NYAP2: variants seen among roughly 807,000 people sequenced by gnomAD.
NYAP2 encodes the protein neuronal tyrosine-phosphorylated phosphoinositide-3-kinase adaptor 2, also known as neuronal tyrosine-phosphorylated phosphoinositide-3-kinase adapter 2.
Under a neutral mutation model 50.4 loss-of-function variants are expected in NYAP2, and 23 were observed. The ratio of observed to expected loss-of-function variants is 0.46; its 90% CI spans 0.33 to 0.65. The LOEUF (loss-of-function observed/expected upper bound fraction) is 0.65, where lower values mean the gene tolerates loss of function less well. Ranked by LOEUF, NYAP2 falls within the 30% of genes least tolerant of loss-of-function variation. The probability of loss-of-function intolerance (pLI) is 0.02; values close to 1 mark genes in which losing one functional copy is unlikely to be tolerated. For synonymous variants in NYAP2, 394 were observed against 365.2 expected (o/e 1.08, Z -0.90); for missense variants, 885 against 861.0 (o/e 1.03, Z -0.35).
chr2:225,655,844 G>T (rs1198832839), downstream of NYAP2, among the ~76,000 whole-genome samples: 2 of 142,650 alleles, frequency 1.4e-5, no homozygotes, highest in African/African-American at 2.6e-5. Context: ...GTTTGAATTT[G>T]TTTTTCTAGG....
chr2:225,667,054 C>T, the NYAP2 span, among the ~76,000 whole-genome samples: 1 of 152,116 alleles, frequency 6.6e-6, no homozygotes, highest in Non-Finnish European at 1.5e-5. Context: ...TAGGGCATGA[C>T]TCTCCAGACC....
intron 6 of NYAP2, among the ~76,000 whole-genome samples, chr2:225,646,279 C>T (rs532893001): frequency 1.8e-4 from 27 of 152,284 alleles, no homozygotes; most frequent in African/African-American, 2.9e-4. Context: ...TGGCTGGGCA[C>T]GGTGGCTCAT....
chr2:225,690,347 A>C, the NYAP2 span, among the ~76,000 whole-genome samples: 1 of 151,958 alleles, frequency 6.6e-6, no homozygotes, highest in South Asian at 2.1e-4. Flanking sequence ...ATTACTGAAT[A>C]TGCTGACAAG....
chr2:225,418,928 T>G (rs1406655446), intron 3 of NYAP2, among the ~76,000 whole-genome samples: 1 of 152,182 alleles, frequency 6.6e-6, no homozygotes, highest in East Asian at 1.9e-4. Flanking sequence ...CCTAACAAAT[T>G]TTTAAGTGTA....
At chr2:225,662,922 G>A in the NYAP2 span, among the ~76,000 whole-genome samples, 4 of 152,266 alleles carry the variant, frequency 2.6e-5, no homozygotes, top group South Asian at 2.1e-4. Flanking sequence ...CATATCCGAC[G>A]ATCGCAGTCT....
At chr2:225,532,593 G>A (rs945443938) in intron 4 of NYAP2, among the ~76,000 whole-genome samples, 8 of 152,118 alleles carry the variant, frequency 5.3e-5, no homozygotes, top group Non-Finnish European at 1.0e-4. Context: ...GAATAAGAAG[G>A]AACTTAGAGA....
At chr2:225,432,564 A>G (rs1689287177) in intron 3 of NYAP2, among the ~76,000 whole-genome samples, 1 of 151,948 alleles carries the variant, frequency 6.6e-6, no homozygotes, top group Non-Finnish European at 1.5e-5. Context: ...ATATATGGCT[A>G]TATAGATATC....
chr2:225,574,591 A>T (rs1411718291), intron 4 of NYAP2, among the ~76,000 whole-genome samples: 1 of 152,150 alleles, frequency 6.6e-6, no homozygotes, highest in Admixed American at 6.5e-5. Flanking sequence ...TTTTTCATTT[A>T]AATTTTAAAC....
At chr2:225,581,834 G>A (rs1195735420) in intron 4 of NYAP2, 107 bp from the exon 5 acceptor site, 3 of 1,055,600 alleles carry the variant, frequency 2.8e-6, no homozygotes, top group Non-Finnish European at 2.8e-6. Flanking sequence ...GAATGAAGCT[G>A]TCTACCCCTC....
At chr2:225,534,756 G>T (rs1691317516) in intron 4 of NYAP2, among the ~76,000 whole-genome samples, 2 of 152,190 alleles carry the variant, frequency 1.3e-5, no homozygotes, top group East Asian at 3.8e-4. Context: ...GAGGATTGGA[G>T]TAAGAGAATT....
At chr2:225,620,443 G>A (rs963247409) in intron 5 of NYAP2, among the ~76,000 whole-genome samples, 5 of 87,968 alleles carry the variant, frequency 5.7e-5, no homozygotes, top group South Asian at 4.5e-4. Context: ...ACACACGCAC[G>A]CACACGCACG....
chr2:225,457,750 T>C (rs1689762146), intron 3 of NYAP2, among the ~76,000 whole-genome samples: 1 of 152,216 alleles, frequency 6.6e-6, no homozygotes, highest in South Asian at 2.1e-4. Context: ...TAATTCATTA[T>C]TATGTTAATC....
Position 225,612,359 on chromosome 2 carries a change from T to G in NYAP2, c.1619-14558T>G, listed in dbSNP as rs556413235. ...AAAACAAAACAAAAAGAAAACAAAG[T>G]GAACCCTCTCTGGAAAGGCTGTTTG... On this transcript the variant is annotated intron_variant, in intron 5 of 6. Transcript: ENST00000636099. Among the ~76,000 whole-genome samples, 4 of 152,006 alleles carry G rather than the reference T, an allele frequency of 2.6e-5. No homozygotes were observed. In the South Asian group the frequency reaches 6.2e-4, roughly 24 times the overall value.
intron 6 of NYAP2, among the ~76,000 whole-genome samples, chr2:225,650,063 A>C (rs1693703830): frequency 6.6e-6 from 1 of 152,194 alleles, no homozygotes. Context: ...AGGTGGAAAC[A>C]GGACTGAGAG....
chr2:225,644,420 T>A (rs1199037934), intron 6 of NYAP2, among the ~76,000 whole-genome samples: 3 of 151,534 alleles, frequency 2.0e-5, no homozygotes, highest in Non-Finnish European at 4.4e-5. Context: ...TAGTTTCTTT[T>A]GCTGTGCAGA....
chr2:225,574,573 C>G (rs1224978063), intron 4 of NYAP2, among the ~76,000 whole-genome samples: 1 of 152,104 alleles, frequency 6.6e-6, no homozygotes, highest in Non-Finnish European at 1.5e-5. Flanking sequence ...TTTTGGGGCC[C>G]AAAGTGTTTT....
At chr2:225,443,017 A>G (rs1041914391) in intron 3 of NYAP2, among the ~76,000 whole-genome samples, 11 of 152,126 alleles carry the variant, frequency 7.2e-5, no homozygotes, top group African/African-American at 2.7e-4. Context: ...CCTTTTATAA[A>G]GCCATCAGTC....
chr2:225,480,113 G>A (rs556090729), intron 3 of NYAP2, among the ~76,000 whole-genome samples: 1 of 152,102 alleles, frequency 6.6e-6, no homozygotes, highest in South Asian at 2.1e-4. Flanking sequence ...GTAGACAATT[G>A]TTTCTGGCAG....
the NYAP2 span, among the ~76,000 whole-genome samples, chr2:225,676,615 T>C: frequency 6.6e-6 from 1 of 152,046 alleles, no homozygotes; most frequent in African/African-American, 2.4e-5. Flanking sequence ...GCAACTTCTA[T>C]TTTAAAAACC....
Sources: allele counts gnomAD v4.1 joint callset (sites outside exome capture counted in the v4.1 genomes callset), GRCh38; gene constraint gnomAD v4.1.1; transcripts MANE v1.5; gene names NCBI Gene and HGNC (gene_info 2026-07-23, HGNC 2026-07-21).